The following BRD7 variants were observed in gnomAD, a reference collection of about 807,000 sequenced individuals.
BRD7 encodes the protein bromodomain containing 7, also known as bromodomain-containing protein 7.
In BRD7, 15 loss-of-function variants were observed where a neutral mutation model predicts 82.1. The observed-to-expected ratio is 0.18, with a 90% CI of 0.12 to 0.28. The LOEUF (loss-of-function observed/expected upper bound fraction) is 0.28, where lower values mean the gene tolerates loss of function less well. Ranked by LOEUF, BRD7 falls within the 10% of genes least tolerant of loss-of-function variation. The pLI, the probability that BRD7 is intolerant of heterozygous loss-of-function variation, is 1.00. For missense variants in BRD7, 638 were observed against 779.9 expected (o/e 0.82, Z 2.17); for synonymous variants, 232 against 266.9 (o/e 0.87, Z 1.27).
Position 50,357,295 on chromosome 16 carries a change from T to C in BRD7, c.259-2373A>G, listed in dbSNP as rs562264783. Among the ~76,000 whole-genome samples the C allele has an allele frequency of 1.0e-3, 159 of 152,128 alleles. 1 individual carries two copies. The highest frequency in any genetic ancestry group is 1.8e-3 in the Non-Finnish European group (121 of 67,914). ...TGATCTAGAGCTCTGCACTCTATTT[T>C]CAGAATCCAAAGCACCTAATACAGA... On this transcript the variant is annotated intron_variant, in intron 2 of 16. Coordinates refer to ENST00000394688, the MANE Select transcript of BRD7 (RefSeq NM_013263.5).
intron 11 of BRD7, among the ~76,000 whole-genome samples, chr16:50,325,029 C>T (rs2037279447): frequency 6.6e-6 from 1 of 152,176 alleles, no homozygotes; most frequent in African/African-American, 2.4e-5. Flanking sequence ...AAGCAGGGGA[C>T]TGGTGAATCT....
In BRD7 at chr16:50,320,731, T is replaced by G. The variant is rs1567596055; in HGVS notation, c.1544A>C (p.Gln515Pro). Residue 515 changes from glutamine (Q) to proline (P), a missense_variant, in exon 14 of 17, where the codon CAA (glutamine) becomes CCA (proline). Physicochemically the swap from Gln to Pro is moderately conservative, Grantham distance 76 (BLOSUM62 -1). Coordinates refer to ENST00000394688, the MANE Select transcript of BRD7 (RefSeq NM_013263.5). ...EPPGRLDSST[Q>P]DRLIALKAVT... The stretch of plus-strand genomic sequence containing the variant: ...TGCTTTCAGCGCTATGAGCCTGTCT[T>G]GAGTACTGGAGTCCAAACGCCCTGG... 1 of 1,614,212 alleles carries G rather than the reference T, an allele frequency of 6.2e-7. No individual in the cohort carries two copies. Among genetic ancestry groups the G allele is most frequent in the Non-Finnish European group, 8.5e-7 (1 of 1,180,028 alleles).
At chr16:50,329,308 T>G (rs548475853) in intron 8 of BRD7, among the ~76,000 whole-genome samples, 11 of 152,270 alleles carry the variant, frequency 7.2e-5, no homozygotes, top group Non-Finnish European at 1.2e-4. Context: ...AAAAGGCTAC[T>G]ATGGACCAGG....
chr16:50,319,032 A>C lies in BRD7; in HGVS notation c.*179T>G. 1 of 599,090 alleles carries C rather than the reference A, an allele frequency of 1.7e-6. No individual in the cohort carries two copies. Among genetic ancestry groups the C allele is most frequent in the Non-Finnish European group, 2.9e-6 (1 of 339,600 alleles). 37.1% of individuals were successfully genotyped at this position (599,090 alleles called of 1,614,324 possible). A position where few individuals can be genotyped will look rare whatever the true frequency, so the allele number is the denominator to read the frequency against. The stretch of plus-strand genomic sequence containing the variant: ...ACAGCCCCAAGCACATTCCTTCCTC[A>C]CGAGTCCCAGGTCCAGCTTTATTAC... On this transcript the variant is annotated 3_prime_UTR_variant, in exon 17 of 17. Coordinates refer to ENST00000394688, the MANE Select transcript of BRD7 (RefSeq NM_013263.5).
intron 16 of BRD7, among the ~76,000 whole-genome samples, 164 bp downstream of exon 16, chr16:50,319,723 T>C (rs531017226): frequency 1.9e-4 from 29 of 152,358 alleles, no homozygotes; most frequent in African/African-American, 7.0e-4. Flanking sequence ...GTGTAGGGTA[T>C]AGGCAAATAC....
chr16:50,331,425 G>A (rs1367104761), intron 8 of BRD7, among the ~76,000 whole-genome samples: 1 of 152,188 alleles, frequency 6.6e-6, no homozygotes, highest in Non-Finnish European at 1.5e-5. Flanking sequence ...CTACAGGCTG[G>A]GCACGGTGGC....
rs1034277015 is a variant in BRD7 at position 50,368,982 on chromosome 16, G to T, written c.-208C>A. The T allele has an allele frequency of 1.3e-5, 2 of 152,478 alleles. No homozygotes were observed. The highest frequency in any genetic ancestry group is 2.8e-5 in the Non-Finnish European group (2 of 71,256). 9.4% of individuals were successfully genotyped at this position (152,478 alleles called of 1,614,324 possible). ...GGCCGGAGCCCGAGAGCGGCGGCGG[G>T]GGGGGCGCGCGGCCGGCGCAGAGGC... On this transcript the variant is annotated 5_prime_UTR_variant, in exon 1 of 17. Coordinates refer to ENST00000394688, the MANE Select transcript of BRD7 (RefSeq NM_013263.5).
At chr16:50,362,485 A>G (rs908436042) in intron 2 of BRD7, among the ~76,000 whole-genome samples, 1 of 152,176 alleles carries the variant, frequency 6.6e-6, no homozygotes, top group Non-Finnish European at 1.5e-5. Context: ...GGTCCTGAAG[A>G]GAACTTTGTA....
chr16:50,333,804 C>T, intron 7 of BRD7, 107 bp from the exon 8 acceptor site: 2 of 962,066 alleles, frequency 2.1e-6, no homozygotes, highest in Non-Finnish European at 3.0e-6. Flanking sequence ...GACATTTGTA[C>T]TACAGTCACT....
intron 5 of BRD7, among the ~76,000 whole-genome samples, chr16:50,345,848 T>G (rs528850457): frequency 7.2e-6 from 1 of 139,580 alleles, no homozygotes; most frequent in African/African-American, 2.8e-5. Context: ...CTGTCAACAT[T>G]AGACAGATCG....
intron 2 of BRD7, among the ~76,000 whole-genome samples, chr16:50,366,938 G>A (rs1233199080): frequency 6.6e-6 from 1 of 152,070 alleles, no homozygotes; most frequent in East Asian, 1.9e-4. Context: ...ATGCATATAT[G>A]GGTTTTATAA....
chr16:50,362,717 T>C (rs2038979281), intron 2 of BRD7, among the ~76,000 whole-genome samples: 1 of 152,170 alleles, frequency 6.6e-6, no homozygotes, highest in Non-Finnish European at 1.5e-5. Context: ...ACTGTATCAT[T>C]CCACTTATAA....
intron 9 of BRD7, among the ~76,000 whole-genome samples, chr16:50,328,182 A>T (rs545607595): frequency 1.3e-5 from 2 of 152,342 alleles, no homozygotes; most frequent in Admixed American, 1.3e-4. Flanking sequence ...GGTTCTAAAG[A>T]TTCCCAATCT....
At chr16:50,340,825 T>C (rs748980163) in intron 5 of BRD7, among the ~76,000 whole-genome samples, 2 of 152,160 alleles carry the variant, frequency 1.3e-5, no homozygotes, top group African/African-American at 2.4e-5. Flanking sequence ...CATGCTTTCA[T>C]AGTTAAGTAA....
At chr16:50,357,069 G>C (rs1388881700) in intron 2 of BRD7, among the ~76,000 whole-genome samples, 1 of 151,774 alleles carries the variant, frequency 6.6e-6, no homozygotes, top group Non-Finnish European at 1.5e-5. Flanking sequence ...TATTTTGCAA[G>C]AAACAAAAAT....
At chr16:50,349,433 AAAAG>A (rs1266773730) in intron 5 of BRD7, 4 of 379,604 alleles carry the variant, frequency 1.1e-5, no homozygotes, top group Non-Finnish European at 1.6e-5. Context: ...CTAAAAAAAA[AAAAG>A]AAAGTGTGTA....
Position 50,326,366 on chromosome 16 carries a change from C to T in BRD7, c.1113G>A (p.Leu371=), listed in dbSNP as rs1314144747. 1.3e-6 allele frequency: 2 copies of T among 1,593,622 alleles called. No individual in the cohort carries two copies. Among genetic ancestry groups the T allele is most frequent in the Admixed American group, 3.4e-5 (2 of 58,538 alleles). ...ACTGAAGTCTTCCAGTTGTCATTCC[C>T]AGTCTCACAGGGCAGTAGCCTGGCT... The part of the protein sequence containing the change: ...VGEPGYCPVR[L]GMTTGRLQSG... The change falls in exon 10 of 17, where the codon CTG becomes CTA. Residue 371 remains leucine, a synonymous_variant. Transcript: ENST00000394688.
intron 2 of BRD7, among the ~76,000 whole-genome samples, chr16:50,356,197 T>C (rs1312697468): frequency 2.0e-5 from 3 of 152,184 alleles, no homozygotes; most frequent in Non-Finnish European, 2.9e-5. Context: ...TACCTTGCAA[T>C]TGGGTGAATA....
intron 8 of BRD7, among the ~76,000 whole-genome samples, chr16:50,330,089 G>C (rs949410602): frequency 8.5e-5 from 13 of 152,184 alleles, no homozygotes; most frequent in African/African-American, 3.1e-4. Flanking sequence ...TTTCCTCACA[G>C]AATACCAAGA....
Sources: allele counts gnomAD v4.1 joint callset (sites outside exome capture counted in the v4.1 genomes callset), GRCh38; gene constraint gnomAD v4.1.1; transcripts MANE v1.5; gene names NCBI Gene and HGNC (gene_info 2026-07-23, HGNC 2026-07-21).